Variants in TNFRSF25 observed in about 807,000 individuals in gnomAD.
The protein encoded by TNFRSF25 is TNF receptor superfamily member 25.
TNFRSF25 carries 28 observed loss-of-function variants against 49.4 expected under a neutral mutation model. The ratio of observed to expected loss-of-function variants is 0.57; its 90% CI spans 0.42 to 0.78. The LOEUF is 0.78. Among genes scored for constraint, TNFRSF25 ranks in the 30% least tolerant of loss-of-function variants. TNFRSF25 has a pLI of 0.00. For missense variants in TNFRSF25, 531 were observed against 581.6 expected (o/e 0.91, Z 0.90); for synonymous variants, 240 against 234.2 (o/e 1.02, Z -0.23).
At position 6,461,409 on chromosome 1, in the gene TNFRSF25, G is replaced by A; in HGVS notation, c.*25C>T. 6.7e-7 allele frequency: 1 copy of A among 1,482,462 alleles called. No individual in the cohort carries two copies. Among genetic ancestry groups the A allele is most frequent in the African/African-American group, 1.4e-5 (1 of 71,168 alleles). 91.8% of individuals were successfully genotyped at this position (1,482,462 alleles called of 1,614,324 possible). On this transcript the variant is annotated 3_prime_UTR_variant, in exon 10 of 10. Transcript: ENST00000356876. This position sits in a 1 kb window ranked among gnomAD's most constrained non-coding sequence, Gnocchi z 6.3. The stretch of plus-strand genomic sequence containing the variant: ...GGGCTTCTGCAAGGGCCACCAGAGC[G>A]CCTAGGTGGCAAGTGGGCGCCGTGT...
Position 6,461,654 on chromosome 1 carries a change from C to T in TNFRSF25, c.1034G>A (p.Arg345Gln), listed in dbSNP as rs1415296883. 2 of 1,603,170 alleles carry T rather than the reference C, an allele frequency of 1.2e-6. No homozygotes were observed. Among genetic ancestry groups the T allele is most frequent in the African/African-American group, 1.3e-5 (1 of 74,982 alleles). Residue 345 changes from arginine (R) to glutamine (Q), a missense_variant, in exon 10 of 10, where the codon CGG (arginine) becomes CAG (glutamine). Transcript: ENST00000356876. The surrounding 1 kb of genome is among the most constrained non-coding windows in gnomAD (Gnocchi z 6.3). ...CGTGCGCACGAACTCCTTCCAGCGC[C>T]GCGCTGGGACCGCGTCCATCACGTC... ...LYDVMDAVPA[R>Q]RWKEFVRTLG...
intron 5 of TNFRSF25, chr1:6,463,908 CTCTCAGCCCTTTGTATTTATTTA>C (rs1644256855): frequency 1.1e-5 from 2 of 176,294 alleles, no homozygotes; most frequent in African/African-American, 4.8e-5. Flanking sequence ...ACAGTCCTGA[CTCTCAGCCCTTTGTATTTATTTA>C]TTTAATAGAT....
chr1:6,462,757 C>A lies in TNFRSF25; in HGVS notation c.707-91G>T, dbSNP rs1303725651. 3 of 1,579,728 alleles carry A rather than the reference C, an allele frequency of 1.9e-6. No individual in the cohort carries two copies. The highest frequency in any genetic ancestry group is 2.6e-6 in the Non-Finnish European group (3 of 1,161,902). On this transcript the variant is annotated intron_variant, in intron 7 of 9. Coordinates refer to ENST00000356876, the MANE Select transcript of TNFRSF25 (RefSeq NM_003790.3). The surrounding 1 kb of genome is among the most constrained non-coding windows in gnomAD (Gnocchi z 4.2). ...GCTCCTCTAGGGTTCCTCTGCACCC[C>A]ACACTCCCTGCCTCAGTTTCCCCTT...
At position 6,464,370 on chromosome 1, in the gene TNFRSF25, A is replaced by G. The variant is rs1644272976; in HGVS notation, c.542+5T>C. On this transcript the variant is annotated splice_donor_5th_base_variant and intron_variant, in intron 5 of 9. Transcript: ENST00000356876. ...TCCCTCCATCCCACGACAGCTAGGA[A>G]TTACGTGGGGCAGGACACGCAGCCA... 11 of 1,605,254 alleles carry G rather than the reference A, an allele frequency of 6.9e-6. No homozygotes were observed. The East Asian group carries it at 2.5e-4, about 36-fold the overall frequency.
chr1:6,462,717 CT>C lies in TNFRSF25; in HGVS notation c.707-52del, dbSNP rs1173616600. 7 of 1,604,964 alleles carry C rather than the reference CT, an allele frequency of 4.4e-6. No individual in the cohort carries two copies. The highest frequency in any genetic ancestry group is 6.0e-6 in the Non-Finnish European group (7 of 1,175,570). The stretch of plus-strand genomic sequence containing the variant: ...CAGCCACCAGGCAAGCCTCCTGGAC[CT>C]GGGTGCTGGTACAGCTCCTCTAGGG... On this transcript the variant is annotated intron_variant, in intron 7 of 9. Coordinates refer to ENST00000356876, the MANE Select transcript of TNFRSF25 (RefSeq NM_003790.3). This position sits in a 1 kb window ranked among gnomAD's most constrained non-coding sequence, Gnocchi z 4.2.
chr1:6,466,042 C>T (rs757325294), intron 1 of TNFRSF25, 27 bp downstream of exon 1: 1 of 1,576,892 alleles, frequency 6.3e-7, no homozygotes, highest in South Asian at 1.1e-5. Context: ...CTCAAAGCTG[C>T]CCCTAGCCTC....
intron 1 of TNFRSF25, 28 bp from the exon 2 acceptor site, chr1:6,465,588 G>A (rs1287087447): frequency 6.2e-7 from 1 of 1,605,794 alleles, no homozygotes; most frequent in Non-Finnish European, 8.5e-7. Context: ...CTGACTCTCA[G>A]CGCAGCTGCC....
In TNFRSF25 at chr1:6,462,629, C is replaced by T. The variant is rs1557725691; in HGVS notation, c.744G>A (p.Pro248=). ...CAGAATCACACAGTGAGGTTCTTAC[C>T]GGTGGTGGGGTCAGAGCCTCCATCC... ...EAGMEALTPP[P]ATHLSPLDSA... is the part of the protein sequence containing the mutation. Residue 248 remains proline (P), a splice_region_variant and synonymous_variant, in exon 8 of 10, where the codon CCG becomes CCA. Coordinates refer to ENST00000356876, the MANE Select transcript of TNFRSF25 (RefSeq NM_003790.3). The surrounding 1 kb of genome is among the most constrained non-coding windows in gnomAD (Gnocchi z 4.2). 8.1e-6 allele frequency: 13 copies of T among 1,613,108 alleles called. No homozygotes were observed. The highest frequency in any genetic ancestry group is 6.6e-5 in the South Asian group (6 of 90,976).
chr1:6,463,062 C>T lies in TNFRSF25; in HGVS notation c.598+10G>A, dbSNP rs1390736766. The T allele has an allele frequency of 2.6e-5, 41 of 1,551,880 alleles. No homozygotes were observed. The highest frequency in any genetic ancestry group is 4.8e-5 in the South Asian group (4 of 84,108). ...AGTTCTCCCACTCGCATTCCCAGCACACCACCTACTCTGCCTCCAGCCACA... is the reference window on the plus strand; with the variant it reads ...AGTTCTCCCACTCGCATTCCCAGCATACCACCTACTCTGCCTCCAGCCACA... On this transcript the variant is annotated intron_variant, in intron 6 of 9. Transcript: ENST00000356876.
Position 6,464,457 on chromosome 1 carries a change from C to T in TNFRSF25, c.464-4G>A, listed in dbSNP as rs936356352. 1 of 1,611,438 alleles carries T rather than the reference C, an allele frequency of 6.2e-7. No homozygotes were observed. Among genetic ancestry groups the T allele is most frequent in the Non-Finnish European group, 8.5e-7 (1 of 1,178,978 alleles). On this transcript the variant is annotated splice_region_variant and splice_polypyrimidine_tract_variant and intron_variant, in intron 4 of 9. Transcript: ENST00000356876. The stretch of plus-strand genomic sequence containing the variant: ...CAGTCAGTATCTCTGCGGGAACCTG[C>T]AATCCAGGAGAGGCATGCGTCACCA...
Position 6,461,332 on chromosome 1 carries a change from A to G in TNFRSF25, c.*102T>C. 1.4e-6 allele frequency: 2 copies of G among 1,390,144 alleles called. No individual in the cohort carries two copies. The allele number at this position is 1,390,144 out of a possible 1,614,324, so 86.1% of individuals were successfully genotyped here. On this transcript the variant is annotated 3_prime_UTR_variant, in exon 10 of 10. Coordinates refer to ENST00000356876, the MANE Select transcript of TNFRSF25 (RefSeq NM_003790.3). This position sits in a 1 kb window ranked among gnomAD's most constrained non-coding sequence, Gnocchi z 6.3. ...TGGTGCTGCTACGCAGGGCCGTGCC[A>G]GCGGCTTAATAAGTGACATAAAATG...
rs367817707 is a variant in TNFRSF25, at chr1:6,462,060, C to G, written c.859G>C (p.Glu287Gln). The change falls in exon 9 of 10, where the codon GAG (glutamate) becomes CAG (glutamine). Residue 287 changes from glutamate to glutamine, a missense_variant. Transcript: ENST00000356876. The surrounding 1 kb of genome is among the most constrained non-coding windows in gnomAD (Gnocchi z 4.2). ...VGNSWTPGYP[E>Q]TQEALCPQVT... is the part of the protein sequence containing the mutation. Reference sequence around the variant, plus strand: ...TGCGGGCAGAGCGCCTCCTGGGTCTCGGGGTAGCCAGGGGTCCAGCTGTTA... The same window carrying G: ...TGCGGGCAGAGCGCCTCCTGGGTCTGGGGGTAGCCAGGGGTCCAGCTGTTA... 1.2e-6 allele frequency: 2 copies of G among 1,613,616 alleles called. No homozygotes were observed. The highest frequency in any genetic ancestry group is 1.7e-6 in the Non-Finnish European group (2 of 1,179,982).
At position 6,461,789 on chromosome 1, in the gene TNFRSF25, T is replaced by C. The variant is rs1644181297; in HGVS notation, c.926-27A>G. On this transcript the variant is annotated intron_variant, in intron 9 of 9. Transcript: ENST00000356876. The surrounding 1 kb of genome is among the most constrained non-coding windows in gnomAD (Gnocchi z 6.3). ...TGGGGCAGGGCCAGAGAGAGCCAAT[T>C]GGGGTACGTGGGCCGCGGTCGGGAG... 1 of 1,481,946 alleles carries C rather than the reference T, an allele frequency of 6.7e-7. No individual in the cohort carries two copies. The highest frequency in any genetic ancestry group is 8.9e-7 in the Non-Finnish European group (1 of 1,117,808). The allele number at this position is 1,481,946 out of a possible 1,614,324, so 91.8% of individuals were successfully genotyped here.
In TNFRSF25 at chr1:6,466,137, C is replaced by G; in HGVS notation, c.-30G>C. Reference sequence around the variant, plus strand: ...CTCCGACGGGCGCCCAGGGGCTTCCCGGCTCCGTGCTCTCTGCCCGTCGTG... The same window carrying G: ...CTCCGACGGGCGCCCAGGGGCTTCCGGGCTCCGTGCTCTCTGCCCGTCGTG... On this transcript the variant is annotated 5_prime_UTR_variant, in exon 1 of 10. Transcript: ENST00000356876. 2 of 1,463,690 alleles carry G rather than the reference C, an allele frequency of 1.4e-6. No homozygotes were observed. Among genetic ancestry groups the G allele is most frequent in the South Asian group, 1.3e-5 (1 of 75,164 alleles). 90.7% of individuals were successfully genotyped at this position (1,463,690 alleles called of 1,614,324 possible). A position where few individuals can be genotyped will look rare whatever the true frequency, so the allele number is the denominator to read the frequency against.
chr1:6,464,705 G>C lies in TNFRSF25; in HGVS notation c.310C>G (p.Leu104Val). ...TCGGCCACTGCTGAACAGTTCTCCA[G>C]CGCCACCTGGGAGGCTGGTGGGGGT... ...ACDEQASQVA[L>V]ENCSAVADTR... Residue 104 changes from leucine to valine, a missense_variant, in exon 4 of 10, where the codon CTG (leucine) becomes GTG (valine). Coordinates refer to ENST00000356876, the MANE Select transcript of TNFRSF25 (RefSeq NM_003790.3). 6.2e-7 allele frequency: 1 copy of C among 1,613,146 alleles called. No individual in the cohort carries two copies. The highest frequency in any genetic ancestry group is 1.7e-5 in the Admixed American group (1 of 60,006).
chr1:6,461,151 T>TTTTTG lies in TNFRSF25; in HGVS notation c.*278_*282dup, dbSNP rs201625425. The TTTTTG allele has an allele frequency of 1.6e-3, 992 of 639,284 alleles. 7 individuals carry two copies. The African/African-American group carries it at 0.016, about 11-fold the overall frequency. 39.6% of individuals were successfully genotyped at this position (639,284 alleles called of 1,614,324 possible). On this transcript the variant is annotated 3_prime_UTR_variant, in exon 10 of 10. Coordinates refer to ENST00000356876, the MANE Select transcript of TNFRSF25 (RefSeq NM_003790.3). This position sits in a 1 kb window ranked among gnomAD's most constrained non-coding sequence, Gnocchi z 6.3. ...GCCCCGCAGAAACGCCAAGAAGCCG[T>TTTTTG]TTTTGTTTTGTTTTGTTTTCTTTCA... is the stretch of plus-strand genomic sequence containing the variant.
At chr1:6,463,018 C>T (rs1644225506) in intron 6 of TNFRSF25, 48 bp from the exon 7 acceptor site, 1 of 1,554,538 alleles carries the variant, frequency 6.4e-7, no homozygotes, top group South Asian at 1.2e-5. Context: ...TCCTCACCCG[C>T]CTCCCCTCGG....
rs889251515 is a variant in TNFRSF25 at position 6,462,232 on chromosome 1, G to T, written c.745-58C>A. 1.2e-4 allele frequency: 191 copies of T among 1,539,536 alleles called. No individual in the cohort carries two copies. The highest frequency in any genetic ancestry group is 2.2e-4 in the Admixed American group (11 of 49,540). On this transcript the variant is annotated intron_variant, in intron 8 of 9. Transcript: ENST00000356876. This position sits in a 1 kb window ranked among gnomAD's most constrained non-coding sequence, Gnocchi z 4.2. ...GCTTGCCAAGTAAGGCCCCTTACCC[G>T]CAGTGCCTCTCCAGGAGGGGACAGT... is the stretch of plus-strand genomic sequence containing the variant.
Position 6,462,889 on chromosome 1 carries a change from C to T in TNFRSF25, c.680G>A (p.Cys227Tyr). 1.2e-6 allele frequency: 2 copies of T among 1,608,240 alleles called. No homozygotes were observed. Among genetic ancestry groups the T allele is most frequent in the South Asian group, 1.1e-5 (1 of 89,944 alleles). The change falls in exon 7 of 10, where the codon TGC (cysteine) becomes TAC (tyrosine). Residue 227 changes from cysteine to tyrosine, a missense_variant. Transcript: ENST00000356876. This position sits in a 1 kb window ranked among gnomAD's most constrained non-coding sequence, Gnocchi z 4.2. The part of the protein sequence containing the change: ...GATLTYTYRH[C>Y]WPHKPLVTAD... ...AGTAACCAGGGGCTTGTGAGGCCAG[C>T]AGTGGCGGTATGTGTAGGTCAGGGT...
Sources: allele counts gnomAD v4.1 joint callset, GRCh38; gene constraint gnomAD v4.1.1; non-coding constraint Gnocchi (gnomAD v3.1); transcripts MANE v1.5; gene names NCBI Gene and HGNC (gene_info 2026-07-23, HGNC 2026-07-21).